Variants in IL1RAPL2 observed in about 807,000 individuals in gnomAD.
IL1RAPL2 encodes the protein interleukin 1 receptor accessory protein like 2.
In IL1RAPL2, 3 loss-of-function variants were observed where a neutral mutation model predicts 44.1. The observed-to-expected ratio is 0.07, with a 90% CI of 0.03 to 0.18. The LOEUF is 0.18. Ranked by LOEUF, IL1RAPL2 falls within the 10% of genes least tolerant of loss-of-function variation. The pLI, the probability that IL1RAPL2 is intolerant of heterozygous loss-of-function variation, is 1.00. For missense variants in IL1RAPL2, 391 were observed against 496.4 expected, an observed-to-expected ratio of 0.79 and a Z score of 2.02; for synonymous variants, 181 against 178.8, an observed-to-expected ratio of 1.01 and a Z score of -0.10.
intron 5 of IL1RAPL2, among the ~76,000 whole-genome samples, chrX:105,268,092 AT>A (rs2034417747): frequency 8.9e-6 from 1 of 112,103 alleles, no homozygotes; most frequent in Admixed American, 9.5e-5. Flanking sequence ...TAGTGGAAGG[AT>A]AAACTCAGAA....
intron 6 of IL1RAPL2, among the ~76,000 whole-genome samples, chrX:105,502,719 C>CT (rs112462525): frequency 2.2e-4 from 23 of 103,396 alleles, no homozygotes; most frequent in Admixed American, 5.2e-4. Flanking sequence ...AAAATACATT[C>CT]TTTTTTTTTT....
At chrX:105,566,272 A>G (rs2036974732) in intron 6 of IL1RAPL2, among the ~76,000 whole-genome samples, 1 of 111,266 alleles carries the variant, frequency 9.0e-6, no homozygotes, top group Non-Finnish European at 1.9e-5. Context: ...GTCTTACAAG[A>G]GTTGGTGGAA....
At chrX:104,752,663 T>C (rs1164235511) in intron 2 of IL1RAPL2, among the ~76,000 whole-genome samples, 1 of 110,791 alleles carries the variant, frequency 9.0e-6, no homozygotes, top group Non-Finnish European at 1.9e-5. Flanking sequence ...TTGTTAGGTA[T>C]ACTATGGAGC....
chrX:104,647,548 A>T, intron 1 of IL1RAPL2: 1 of 516,255 alleles, frequency 1.9e-6, no homozygotes, highest in Non-Finnish European at 3.5e-6. Context: ...TAAGATTGTC[A>T]CTCACCTGCC....
chrX:105,048,686 T>A (rs2031874956), intron 2 of IL1RAPL2, among the ~76,000 whole-genome samples: 1 of 111,941 alleles, frequency 8.9e-6, no homozygotes, highest in Non-Finnish European at 1.9e-5. Flanking sequence ...TTAGAGGAAC[T>A]CATTTTTGCA....
At chrX:104,832,791 C>A (rs747688062) in intron 2 of IL1RAPL2, among the ~76,000 whole-genome samples, 8 of 111,080 alleles carry the variant, frequency 7.2e-5, no homozygotes, top group Non-Finnish European at 1.3e-4. Context: ...AGTCTAATTT[C>A]TGTTTTGCTA....
chrX:104,690,754 C>A (rs1273998635), intron 2 of IL1RAPL2, among the ~76,000 whole-genome samples: 1 of 112,018 alleles, frequency 8.9e-6, no homozygotes, highest in Non-Finnish European at 1.9e-5. Context: ...TTATCAATTC[C>A]TAGGGCTCCT....
chrX:105,035,667 C>T (rs1252062775), intron 2 of IL1RAPL2, among the ~76,000 whole-genome samples: 3 of 112,027 alleles, frequency 2.7e-5, no homozygotes, highest in Non-Finnish European at 5.6e-5. Context: ...ACAAATAATC[C>T]AAAGTGTTTT....
In IL1RAPL2 at chrX:105,024,631, G is replaced by A. The variant is rs895333214; in HGVS notation, c.83-170844G>A. Among the ~76,000 whole-genome samples, 3 of 111,385 alleles carry A rather than the reference G, an allele frequency of 2.7e-5. No homozygotes were observed. In the Admixed American group the frequency reaches 2.9e-4, roughly 11 times the overall value. On this transcript the variant is annotated intron_variant, in intron 2 of 10. Transcript: ENST00000372582. The stretch of plus-strand genomic sequence containing the variant: ...AGTCTCTGAAATATTTACTGGTTGA[G>A]CAGAGAATATTTGTTATACTTCTCC...
chrX:104,989,159 A>G (rs980064748), intron 2 of IL1RAPL2, among the ~76,000 whole-genome samples: 2 of 111,641 alleles, frequency 1.8e-5, no homozygotes, highest in Admixed American at 1.9e-4. Flanking sequence ...ATTTCAATGT[A>G]GGCATACTGG....
chrX:104,626,012 G>A (rs1368075856), intron 1 of IL1RAPL2, among the ~76,000 whole-genome samples: 2 of 111,137 alleles, frequency 1.8e-5, no homozygotes, highest in East Asian at 5.6e-4. Context: ...GAAGTTAGAT[G>A]ATGATAATAA....
At chrX:104,810,305 C>T (rs1431578142) in intron 2 of IL1RAPL2, among the ~76,000 whole-genome samples, 1 of 110,543 alleles carries the variant, frequency 9.0e-6, no homozygotes, top group African/African-American at 3.3e-5. Flanking sequence ...AGGAGACATA[C>T]CTAATGCTAA....
At chrX:105,013,043 A>T (rs1171845762) in intron 2 of IL1RAPL2, among the ~76,000 whole-genome samples, 1 of 111,122 alleles carries the variant, frequency 9.0e-6, no homozygotes, top group Admixed American at 9.6e-5. Flanking sequence ...ACTGTGATGC[A>T]CACTGGTTTG....
chrX:104,825,280 A>G (rs1339114363), intron 2 of IL1RAPL2, among the ~76,000 whole-genome samples: 2 of 111,870 alleles, frequency 1.8e-5, no homozygotes, highest in Non-Finnish European at 3.8e-5. Flanking sequence ...TGATAGCATG[A>G]GCTCTCCCTC....
chrX:104,947,747 C>G (rs1487615991), intron 2 of IL1RAPL2, among the ~76,000 whole-genome samples: 17 of 111,578 alleles, frequency 1.5e-4, no homozygotes, highest in African/African-American at 3.9e-4. Context: ...TGTTATTTCT[C>G]AGGGTTCTGT....
At chrX:104,602,443 A>C (rs898253107) in intron 1 of IL1RAPL2, among the ~76,000 whole-genome samples, 2 of 111,384 alleles carry the variant, frequency 1.8e-5, no homozygotes, top group Admixed American at 1.9e-4. Context: ...CTTTTTCTCC[A>C]TACCCCAATG....
intron 2 of IL1RAPL2, among the ~76,000 whole-genome samples, chrX:104,709,625 T>C (rs1602691042): frequency 9.0e-6 from 1 of 111,256 alleles, no homozygotes; most frequent in East Asian, 2.8e-4. Flanking sequence ...GCATGTGTAA[T>C]ATTGAATTCG....
intron 2 of IL1RAPL2, among the ~76,000 whole-genome samples, chrX:104,797,134 A>G (rs954073403): frequency 2.4e-4 from 24 of 99,306 alleles, no homozygotes; most frequent in Non-Finnish European, 4.2e-4. Context: ...TCTCCAAAAG[A>G]CCAAGTACCA....
chrX:104,954,274 A>G (rs1031327194), intron 2 of IL1RAPL2, among the ~76,000 whole-genome samples: 1 of 112,497 alleles, frequency 8.9e-6, no homozygotes, highest in African/African-American at 3.2e-5. Flanking sequence ...CAAATAATAC[A>G]TAAGCAACAT....
Sources: allele counts gnomAD v4.1 joint callset (sites outside exome capture counted in the v4.1 genomes callset), GRCh38; gene constraint gnomAD v4.1.1; transcripts MANE v1.5; gene names NCBI Gene and HGNC (gene_info 2026-07-23, HGNC 2026-07-21).